Variants in POR observed in about 807,000 individuals in gnomAD.
POR encodes the protein NADPH--cytochrome P450 reductase.
A neutral mutation model predicts 84.0 loss-of-function variants in POR; 56 were observed. The observed-to-expected ratio is 0.67, with a 90% CI of 0.54 to 0.83. POR has a LOEUF of 0.83. Ranked by LOEUF, POR falls within the 40% of genes least tolerant of loss-of-function variation. The pLI is 0.00. For missense variants in POR, 938 were observed against 944.3 expected, an observed-to-expected ratio of 0.99 and a Z score of 0.09; for synonymous variants, 414 against 400.5, an observed-to-expected ratio of 1.03 and a Z score of -0.40.
At chr7:75,964,433 G>A (rs920863414) in intron 2 of POR, among the ~76,000 whole-genome samples, 4 of 151,878 alleles carry the variant, frequency 2.6e-5, no homozygotes, top group Non-Finnish European at 2.9e-5. Context: ...TCAGCCTCCC[G>A]AGTAGCTGGG....
intron 1 of POR, among the ~76,000 whole-genome samples, chr7:75,931,198 G>A (rs1198353540): frequency 6.6e-6 from 1 of 152,076 alleles, no homozygotes; most frequent in African/African-American, 2.4e-5. Context: ...TAAACAAAAT[G>A]TGGTATATCC....
intron 2 of POR, among the ~76,000 whole-genome samples, chr7:75,959,456 T>C (rs868906163): frequency 3.9e-5 from 6 of 152,104 alleles, no homozygotes; most frequent in African/African-American, 1.4e-4. Context: ...AGAATTGGCA[T>C]TTATTTATTT....
Position 75,980,333 on chromosome 7 carries a change from C to T in POR, c.367-6C>T. On this transcript the variant is annotated splice_polypyrimidine_tract_variant and splice_region_variant and intron_variant, in intron 4 of 15. Transcript: ENST00000461988. ...CCGGGGCGCGGTCCTGTCCCTGTTT[C>T]TGCAGGCCGACCTGAGCAGCCTGCC... The T allele has an allele frequency of 1.2e-6, 2 of 1,611,340 alleles. No homozygotes were observed. The highest frequency in any genetic ancestry group is 1.7e-6 in the Non-Finnish European group (2 of 1,178,554).
chr7:75,923,752 G>A (rs577903000), intron 1 of POR, among the ~76,000 whole-genome samples: 1 of 152,242 alleles, frequency 6.6e-6, no homozygotes, highest in Admixed American at 6.5e-5. Context: ...GCTGAGCGTG[G>A]TGGCACACGC....
chr7:75,975,329 T>C (rs1182788287), intron 3 of POR, among the ~76,000 whole-genome samples: 1 of 152,178 alleles, frequency 6.6e-6, no homozygotes, highest in Non-Finnish European at 1.5e-5. Flanking sequence ...TGGTTTGAAA[T>C]GCCACCTTTA....
chr7:75,940,724 C>T (rs1159720399), intron 1 of POR, among the ~76,000 whole-genome samples: 1 of 151,576 alleles, frequency 6.6e-6, no homozygotes, highest in Non-Finnish European at 1.5e-5. Context: ...GCGGAGCTTG[C>T]TGTCAGCTGA....
chr7:75,958,436 CTTTT>C (rs1287858091), intron 2 of POR, among the ~76,000 whole-genome samples: 1 of 151,924 alleles, frequency 6.6e-6, no homozygotes, highest in African/African-American at 2.4e-5. Flanking sequence ...TATTTTTATC[CTTTT>C]TATTAATACC....
chr7:75,982,779 C>G (rs1789132794), intron 8 of POR, among the ~76,000 whole-genome samples: 1 of 152,224 alleles, frequency 6.6e-6, no homozygotes, highest in Non-Finnish European at 1.5e-5. Flanking sequence ...AGCTGCCCTG[C>G]TTTCTGTAGG....
intron 2 of POR, among the ~76,000 whole-genome samples, chr7:75,959,559 G>A (rs546614305): frequency 6.6e-5 from 10 of 152,298 alleles, no homozygotes; most frequent in East Asian, 3.9e-4. Flanking sequence ...GGGCTCAAGC[G>A]ATTCTCTTGC....
intron 1 of POR, chr7:75,923,118 T>G (rs782363373): frequency 2.3e-6 from 2 of 857,116 alleles, no homozygotes; most frequent in Non-Finnish European, 3.9e-6. Flanking sequence ...TGTAACCTTA[T>G]GTGACCTGGG....
chr7:75,932,014 G>C (rs1477531913), intron 1 of POR, among the ~76,000 whole-genome samples: 2 of 152,142 alleles, frequency 1.3e-5, no homozygotes, highest in Non-Finnish European at 2.9e-5. Context: ...GTGCTTTGTG[G>C]AATTGCTCCC....
intron 2 of POR, among the ~76,000 whole-genome samples, chr7:75,959,889 G>A (rs930463474): frequency 2.0e-5 from 3 of 152,128 alleles, no homozygotes; most frequent in Admixed American, 6.6e-5. Flanking sequence ...TATCCCTCCC[G>A]GGGAGGTCTT....
intron 4 of POR, 54 bp from the exon 5 acceptor site, chr7:75,980,285 A>T: frequency 6.3e-7 from 1 of 1,582,776 alleles, no homozygotes; most frequent in Non-Finnish European, 8.6e-7. Context: ...TGCGGGTTGA[A>T]CCTTGAACAG....
intron 2 of POR, among the ~76,000 whole-genome samples, chr7:75,969,476 T>C (rs1473426921): frequency 6.6e-6 from 1 of 152,192 alleles, no homozygotes; most frequent in Non-Finnish European, 1.5e-5. Context: ...CGTTCTAGTC[T>C]CATGCCCTCG....
At chr7:75,926,828 A>G (rs1303938259) in intron 1 of POR, among the ~76,000 whole-genome samples, 3 of 152,128 alleles carry the variant, frequency 2.0e-5, no homozygotes, top group Non-Finnish European at 2.9e-5. Flanking sequence ...TTGAGCACTC[A>G]TGTTATGCAA....
intron 1 of POR, chr7:75,922,676 AC>A (rs1554549007): frequency 3.7e-6 from 1 of 273,614 alleles, no homozygotes; most frequent in East Asian, 9.7e-5. Context: ...TTTTGGTAGG[AC>A]TTTAGTTTTC....
chr7:75,969,554 G>A (rs111976325), intron 2 of POR, among the ~76,000 whole-genome samples: 1 of 152,218 alleles, frequency 6.6e-6, no homozygotes, highest in Non-Finnish European at 1.5e-5. Flanking sequence ...CACTCACGGG[G>A]CACTGGAGTT....
chr7:75,921,596 C>G lies in POR; in HGVS notation c.-5+6417C>G, dbSNP rs146131401. ...ATCTCTTTCCACTGCTGTGGTCTTA[C>G]TGTAGCCCCTTGTCACTTCCTGCTG... On this transcript the variant is annotated intron_variant, in intron 1 of 15. Coordinates refer to ENST00000461988, the MANE Select transcript of POR (RefSeq NM_000941.3). Among the ~76,000 whole-genome samples the G allele has an allele frequency of 1.8e-4, 27 of 152,168 alleles. No individual in the cohort carries two copies. In the East Asian group the frequency reaches 5.0e-3, roughly 28 times the overall value.
At chr7:75,929,897 G>A (rs1563401380) in intron 1 of POR, among the ~76,000 whole-genome samples, 1 of 152,130 alleles carries the variant, frequency 6.6e-6, no homozygotes, top group Non-Finnish European at 1.5e-5. Context: ...TGGGGTGACA[G>A]TAGCCAGCAT....
Sources: allele counts gnomAD v4.1 joint callset (sites outside exome capture counted in the v4.1 genomes callset), GRCh38; gene constraint gnomAD v4.1.1; transcripts MANE v1.5; gene names NCBI Gene and HGNC (gene_info 2026-07-23, HGNC 2026-07-21).